Variants in BID observed in about 807,000 individuals in gnomAD.
The protein encoded by BID is BH3-interacting domain death agonist.
A neutral mutation model predicts 17.4 loss-of-function variants in BID; 19 were observed. That is an observed-to-expected ratio of 1.09 (90% CI 0.76 to 1.60). BID has a LOEUF of 1.60. Among genes scored for constraint, BID ranks in the 40% most tolerant of loss-of-function variants. BID has a pLI of 0.00. For missense variants in BID, 226 were observed against 256.0 expected (o/e 0.88, Z 0.80); for synonymous variants, 108 against 102.8 (o/e 1.05, Z -0.31).
In BID at chr22:17,756,490, TTCTTTC is replaced by T. The variant is rs1443732315; in HGVS notation, c.-58-6322_-58-6317del. 3.1e-4 allele frequency among the ~76,000 whole-genome samples: 44 copies of T among 142,122 alleles called. 1 individual carries two copies. The highest frequency in any genetic ancestry group is 5.7e-4 in the Non-Finnish European group (38 of 66,148). The allele number at this position is 142,122 out of a possible 152,430, so 93.2% of individuals were successfully genotyped here. ...TTCTTTCTTTCTTTTCTTTCTTTCTTTCTTTCTCTCTCTCTTTCTGTCTGTCTCTCT... is the reference window on the plus strand; with the variant it reads ...TTCTTTCTTTCTTTTCTTTCTTTCTTTCTCTCTCTTTCTGTCTGTCTCTCT... On this transcript the variant is annotated intron_variant, in intron 1 of 5. Transcript: ENST00000622694.
At chr22:17,739,859 G>A in intron 3 of BID, 1 of 613,874 alleles carries the variant, frequency 1.6e-6, no homozygotes, top group South Asian at 1.9e-5. Flanking sequence ...GGCAGCCGTT[G>A]GGGAAGGGGC....
chr22:17,738,305 G>A (rs191428241), intron 4 of BID, 76 bp from the exon 5 acceptor site: 1 of 1,390,122 alleles, frequency 7.2e-7, no homozygotes, highest in African/African-American at 1.4e-5. Context: ...CCAGTATGAA[G>A]AAGCACTTCA....
intron 1 of BID, among the ~76,000 whole-genome samples, chr22:17,751,623 A>G (rs960104129): frequency 1.3e-5 from 2 of 152,222 alleles, no homozygotes; most frequent in Non-Finnish European, 2.9e-5. Context: ...CCAGGCAGAG[A>G]GGAGGTGGCA....
rs547029088 is a variant in BID at position 17,743,864 on chromosome 22, G to A, written c.162C>T (p.Tyr54=). Residue 54 remains tyrosine (Y), a synonymous_variant, in exon 3 of 6, where the codon TAC becomes TAT. Transcript: ENST00000622694. ...LPVLAPQWEG[Y]DELQTDGNRS... is the part of the protein sequence containing the mutation. Reference sequence around the variant, plus strand: ...GGTTGCCATCAGTCTGCAGCTCATCGTAGCCCTCCCACTGGGGAGCCAGCA... The same window carrying A: ...GGTTGCCATCAGTCTGCAGCTCATCATAGCCCTCCCACTGGGGAGCCAGCA... 13 of 1,613,096 alleles carry A rather than the reference G, an allele frequency of 8.1e-6. No homozygotes were observed. Among genetic ancestry groups the A allele is most frequent in the South Asian group, 7.7e-5 (7 of 91,078 alleles).
chr22:17,764,610 A>G (rs1004993759), intron 1 of BID, among the ~76,000 whole-genome samples: 1 of 152,202 alleles, frequency 6.6e-6, no homozygotes, highest in Non-Finnish European at 1.5e-5. Context: ...AATAATTCCA[A>G]TGTAGCTTTT....
chr22:17,751,355 G>T (rs2061538338), intron 1 of BID, among the ~76,000 whole-genome samples: 1 of 151,560 alleles, frequency 6.6e-6, no homozygotes, highest in African/African-American at 2.4e-5. Flanking sequence ...GTCCGACCTG[G>T]GCGACAGAGC....
At chr22:17,741,451 C>T (rs1266207819) in intron 3 of BID, among the ~76,000 whole-genome samples, 1 of 152,004 alleles carries the variant, frequency 6.6e-6, no homozygotes, top group Non-Finnish European at 1.5e-5. Flanking sequence ...CCTAGGCAAA[C>T]TCAACTACTC....
At chr22:17,768,420 G>A (rs1322235257) in intron 1 of BID, among the ~76,000 whole-genome samples, 2 of 152,210 alleles carry the variant, frequency 1.3e-5, no homozygotes, top group East Asian at 1.9e-4. Context: ...TGTGACCCGG[G>A]AGTCCTGCCT....
rs766770581 is a variant in BID at position 17,735,534 on chromosome 22, G to A, written c.*46C>T. On this transcript the variant is annotated 3_prime_UTR_variant, in exon 6 of 6. Coordinates refer to ENST00000622694, the MANE Select transcript of BID (RefSeq NM_001196.4). ...CTACACTGGAAGCAGCTATACAGCTGTGACCACATCGAGCTTTAGCCAGTC... is the reference window on the plus strand; with the variant it reads ...CTACACTGGAAGCAGCTATACAGCTATGACCACATCGAGCTTTAGCCAGTC... 8.7e-6 allele frequency: 14 copies of A among 1,613,308 alleles called. No homozygotes were observed. Among genetic ancestry groups the A allele is most frequent in the Middle Eastern group, 3.3e-4 (2 of 6,084 alleles).
At chr22:17,762,887 G>GT (rs1475285168) in intron 1 of BID, among the ~76,000 whole-genome samples, 2 of 151,554 alleles carry the variant, frequency 1.3e-5, no homozygotes, top group Non-Finnish European at 2.9e-5. Context: ...TTGTTTGTTT[G>GT]TTTTTTTAAG....
intron 1 of BID, among the ~76,000 whole-genome samples, chr22:17,750,759 G>C (rs181406): frequency 0.67 from 101,974 of 151,962 alleles, 34,334 homozygotes; most frequent in East Asian, 0.83. Context: ...ACTTGGGAGG[G>C]AGAGGTTGCA....
chr22:17,750,703 C>T (rs2145891743), intron 1 of BID, among the ~76,000 whole-genome samples: 1 of 152,116 alleles, frequency 6.6e-6, no homozygotes, highest in South Asian at 2.1e-4. Context: ...TGGCGGGCGC[C>T]TGTAGTCCCA....
intron 1 of BID, among the ~76,000 whole-genome samples, chr22:17,762,333 C>A (rs1471055719): frequency 1.3e-5 from 2 of 152,074 alleles, no homozygotes; most frequent in Non-Finnish European, 2.9e-5. Context: ...CCCGTCTCTA[C>A]TAAAAATACA....
rs775270091 is a variant in BID at position 17,773,560 on chromosome 22, CAGGT to C, written c.-59+817_-59+820del. 108 of 1,598,546 alleles carry C rather than the reference CAGGT, an allele frequency of 6.8e-5. No individual in the cohort carries two copies. Among genetic ancestry groups the C allele is most frequent in the Middle Eastern group, 3.4e-4 (2 of 5,906 alleles). On this transcript the variant is annotated intron_variant, in intron 1 of 5. Coordinates refer to ENST00000622694, the MANE Select transcript of BID (RefSeq NM_001196.4). The surrounding 1 kb of genome is among the most constrained non-coding windows in gnomAD (Gnocchi z 4.4). The stretch of plus-strand genomic sequence containing the variant: ...TCCTCACCTGCCCCAACCCTGCCTG[CAGGT>C]GAAGGCCGGTCCAGCCGCAGAAGGC...
intron 1 of BID, among the ~76,000 whole-genome samples, chr22:17,757,231 C>T (rs1959845219): frequency 6.6e-6 from 1 of 151,438 alleles, no homozygotes; most frequent in South Asian, 2.1e-4. Flanking sequence ...CCTAGGCAAT[C>T]TGGTGAAACC....
rs2061625471 is a variant in BID at position 17,760,091 on chromosome 22, G to GCCA, written c.-58-9920_-58-9918dup. Among the ~76,000 whole-genome samples the GCCA allele has an allele frequency of 4.3e-5, 6 of 138,294 alleles. No individual in the cohort carries two copies. In the South Asian group the frequency reaches 1.1e-3, roughly 26 times the overall value. 90.7% of individuals were successfully genotyped at this position (138,294 alleles called of 152,430 possible). ...AGAGCTTGCAGTGAGCCGAGATTGC[G>GCCA]CCACTGCACTCCAGCCTGGGCGACA... On this transcript the variant is annotated intron_variant, in intron 1 of 5. Coordinates refer to ENST00000622694, the MANE Select transcript of BID (RefSeq NM_001196.4).
chr22:17,737,998 T>C lies in BID; in HGVS notation c.576+19A>G, dbSNP rs1467779153. ...CATGGGCGGCAGGCAGGGAAGGAGCTGACCTCAAGGGTTCTTACATTTCTG... is the reference window on the plus strand; with the variant it reads ...CATGGGCGGCAGGCAGGGAAGGAGCCGACCTCAAGGGTTCTTACATTTCTG... On this transcript the variant is annotated intron_variant, in intron 5 of 5. Transcript: ENST00000622694. 6.2e-7 allele frequency: 1 copy of C among 1,612,900 alleles called. No homozygotes were observed. Among genetic ancestry groups the C allele is most frequent in the Admixed American group, 1.7e-5 (1 of 60,024 alleles).
At chr22:17,737,804 T>C (rs983709440) in intron 5 of BID, among the ~76,000 whole-genome samples, 3 of 152,218 alleles carry the variant, frequency 2.0e-5, no homozygotes, top group African/African-American at 4.8e-5. Flanking sequence ...ATGTCTCCAA[T>C]AGTAAGCTGC....
intron 1 of BID, among the ~76,000 whole-genome samples, chr22:17,755,366 G>GC (rs1036524525): frequency 2.6e-5 from 4 of 152,198 alleles, no homozygotes; most frequent in African/African-American, 9.6e-5. Context: ...ATGGACCATG[G>GC]CCTAGATTGG....
Sources: allele counts gnomAD v4.1 joint callset (sites outside exome capture counted in the v4.1 genomes callset), GRCh38; gene constraint gnomAD v4.1.1; non-coding constraint Gnocchi (gnomAD v3.1); transcripts MANE v1.5; gene names NCBI Gene and HGNC (gene_info 2026-07-23, HGNC 2026-07-21).